The following PPP1R3B variants were observed in gnomAD, a reference collection of about 807,000 sequenced individuals.
PPP1R3B encodes PP1 subunit R4.
A neutral mutation model predicts 14.6 loss-of-function variants in PPP1R3B; 8 were observed. The ratio of observed to expected loss-of-function variants is 0.55; its 90% confidence interval spans 0.32 to 0.99. The LOEUF is 0.99. Among genes scored for constraint, PPP1R3B ranks in the 50% least tolerant of loss-of-function variants. The pLI, the probability that PPP1R3B is intolerant of heterozygous loss-of-function variation, is 0.04. For synonymous variants in PPP1R3B, 169 were observed against 142.0 expected, an observed-to-expected ratio of 1.19 and a Z score of -1.35; for missense variants, 452 against 360.1, an observed-to-expected ratio of 1.26 and a Z score of -2.07.
intron 1 of PPP1R3B, among the ~76,000 whole-genome samples, chr8:9,150,029 G>T (rs1033486630): frequency 6.6e-6 from 1 of 152,204 alleles, no homozygotes; most frequent in African/African-American, 2.4e-5. Flanking sequence ...CACCCCTGGT[G>T]CCGCTTCTCT....
rs1451603980 is a variant in PPP1R3B, at chr8:9,137,046, T to C, written c.*3748A>G. On this transcript the variant is annotated 3_prime_UTR_variant, in exon 2 of 2. Coordinates refer to ENST00000310455, the MANE Select transcript of PPP1R3B (RefSeq NM_024607.4). ...TCCAAATTTACATCTTCTAAGAATG[T>C]ATAATTTTGCCACCATTAAAATGAA... The C allele has an allele frequency of 6.6e-6, 1 of 152,220 alleles. No homozygotes were observed. The highest frequency in any genetic ancestry group is 1.5e-5 in the Non-Finnish European group (1 of 68,034). 9.4% of individuals were successfully genotyped at this position (152,220 alleles called of 1,614,324 possible).
chr8:9,141,246 C>G lies in PPP1R3B; in HGVS notation c.406G>C (p.Glu136Gln). Reference sequence around the variant, plus strand: ...GCCTTGTCCTTGAGCACACAGTTCTCAAGGCAGACGTGGTCGGCCTGAAGT... The same window carrying G: ...GCCTTGTCCTTGAGCACACAGTTCTGAAGGCAGACGTGGTCGGCCTGAAGT... ...NRLQADHVCLENCVLKDKAIA... is the reference protein window; with the variant it reads ...NRLQADHVCLQNCVLKDKAIA... Residue 136 changes from glutamate to glutamine, a missense_variant, in exon 2 of 2, where the codon GAG (glutamate) becomes CAG (glutamine). Glu to Gln is a conservative substitution (Grantham distance 29). Coordinates refer to ENST00000310455, the MANE Select transcript of PPP1R3B (RefSeq NM_024607.4). 6.2e-7 allele frequency: 1 copy of G among 1,614,182 alleles called. No homozygotes were observed. Among genetic ancestry groups the G allele is most frequent in the Non-Finnish European group, 8.5e-7 (1 of 1,180,034 alleles).
Position 9,145,183 on chromosome 8 carries a change from A to G in PPP1R3B, c.-17-3515T>C, listed in dbSNP as rs563374728. 2.0e-5 allele frequency: 3 copies of G among 152,306 alleles called. No individual in the cohort carries two copies. The South Asian group carries it at 6.2e-4, about 32-fold the overall frequency. The allele number at this position is 152,306 out of a possible 1,614,324, so 9.4% of individuals were successfully genotyped here. A position where few individuals can be genotyped will look rare whatever the true frequency, so the allele number is the denominator to read the frequency against. On this transcript the variant is annotated intron_variant, in intron 1 of 1. Transcript: ENST00000310455. ...ATAGAGAGAGAGAAGATAAAATTGT[A>G]CATAGAAACTAGACTTGTGGGGAAA...
At chr8:9,141,881 G>T (rs1490029367) in intron 1 of PPP1R3B, 2 of 133,704 alleles carry the variant, frequency 1.5e-5, no homozygotes, top group Non-Finnish European at 3.1e-5. Context: ...GCGGTGGGGG[G>T]TGGGGGGTGC....
At chr8:9,148,782 AACT>A (rs1801318392) in intron 1 of PPP1R3B, among the ~76,000 whole-genome samples, 1 of 152,230 alleles carries the variant, frequency 6.6e-6, no homozygotes, top group Non-Finnish European at 1.5e-5. Flanking sequence ...CAGGCAGCTG[AACT>A]ACTGACTTTC....
intron 1 of PPP1R3B, among the ~76,000 whole-genome samples, chr8:9,141,991 A>G (rs1801106743): frequency 6.6e-6 from 1 of 152,204 alleles, no homozygotes; most frequent in Non-Finnish European, 1.5e-5. Context: ...CCGTTGGCAA[A>G]TGTGCCACAG....
At chr8:9,143,632 G>A (rs1411659910) in intron 1 of PPP1R3B, among the ~76,000 whole-genome samples, 1 of 152,156 alleles carries the variant, frequency 6.6e-6, no homozygotes, top group East Asian at 1.9e-4. Context: ...AACCTGGGAG[G>A]CGGAGGTTGC....
Position 9,140,470 on chromosome 8 carries a change from G to C in PPP1R3B, c.*324C>G, listed in dbSNP as rs939228667. On this transcript the variant is annotated 3_prime_UTR_variant, in exon 2 of 2. Transcript: ENST00000310455. ...ACATCTGAGTGGAGAGCAGAGGAGA[G>C]ACTCCTCCAGCTTCATCAGCACTGG... 5.8e-6 allele frequency: 2 copies of C among 341,964 alleles called. No individual in the cohort carries two copies. Among genetic ancestry groups the C allele is most frequent in the Non-Finnish European group, 1.1e-5 (2 of 184,770 alleles). 21.2% of individuals were successfully genotyped at this position (341,964 alleles called of 1,614,324 possible).
chr8:9,144,871 G>C (rs771626220), intron 1 of PPP1R3B, among the ~76,000 whole-genome samples: 8 of 152,178 alleles, frequency 5.3e-5, no homozygotes, highest in Admixed American at 1.3e-4. Flanking sequence ...TTAGCCTTTC[G>C]AGTAGCTGGG....
At chr8:9,144,504 A>G (rs1185995551) in intron 1 of PPP1R3B, among the ~76,000 whole-genome samples, 2 of 152,132 alleles carry the variant, frequency 1.3e-5, no homozygotes, top group Non-Finnish European at 2.9e-5. Flanking sequence ...CAATGCAAAC[A>G]TTTTCATTAG....
Position 9,138,245 on chromosome 8 carries a change from T to C in PPP1R3B, c.*2549A>G, listed in dbSNP as rs330910. The stretch of plus-strand genomic sequence containing the variant: ...TTTATAACATTTAAAGTACTGTCTG[T>C]TACCCGATGTCTGGTATGTTTACAT... On this transcript the variant is annotated 3_prime_UTR_variant, in exon 2 of 2. Transcript: ENST00000310455. 2 of 152,002 alleles carry C rather than the reference T, an allele frequency of 1.3e-5. No homozygotes were observed. Among genetic ancestry groups the C allele is most frequent in the South Asian group, 4.1e-4 (2 of 4,830 alleles). 9.4% of individuals were successfully genotyped at this position (152,002 alleles called of 1,614,324 possible). A position where few individuals can be genotyped will look rare whatever the true frequency, so the allele number is the denominator to read the frequency against.
chr8:9,141,332 C>G lies in PPP1R3B; in HGVS notation c.320G>C (p.Ser107Thr). 6.2e-7 allele frequency: 1 copy of G among 1,614,210 alleles called. No homozygotes were observed. Residue 107 changes from serine (S) to threonine (T), a missense_variant, in exon 2 of 2, where the codon AGC (serine) becomes ACC (threonine). Coordinates refer to ENST00000310455, the MANE Select transcript of PPP1R3B (RefSeq NM_024607.4). ...GGAAAAATCCAGAACAAAGCTCTCG[C>G]TCTCTGCTGTCGTCAAGCTCACAAT... ...DNIVSLTTAESESFVLDFSQP... is the reference protein window; with the variant it reads ...DNIVSLTTAETESFVLDFSQP...
At chr8:9,150,328 A>G (rs1352578660) in intron 1 of PPP1R3B, among the ~76,000 whole-genome samples, 4 of 152,150 alleles carry the variant, frequency 2.6e-5, no homozygotes, top group African/African-American at 9.7e-5. Flanking sequence ...GTGCTCTGAC[A>G]GGCCCCAAAT....
intron 1 of PPP1R3B, among the ~76,000 whole-genome samples, chr8:9,150,357 C>G (rs1271668550): frequency 6.6e-6 from 1 of 152,206 alleles, no homozygotes; most frequent in Non-Finnish European, 1.5e-5. Context: ...AAGTCATTAC[C>G]GGCCCCCACT....
intron 1 of PPP1R3B, among the ~76,000 whole-genome samples, chr8:9,150,205 C>G (rs1434210724): frequency 6.6e-6 from 1 of 152,188 alleles, no homozygotes; most frequent in East Asian, 1.9e-4. Flanking sequence ...CTGCTGCACC[C>G]TGGGTCTCCC....
intron 1 of PPP1R3B, among the ~76,000 whole-genome samples, chr8:9,145,896 A>C (rs1248647009): frequency 6.6e-6 from 1 of 151,886 alleles, no homozygotes; most frequent in East Asian, 1.9e-4. Context: ...ATAAGACAGG[A>C]TCTTGCTGTG....
Position 9,141,313 on chromosome 8 carries a change from A to T in PPP1R3B, c.339T>A (p.Asp113Glu). The T allele has an allele frequency of 6.2e-7, 1 of 1,614,174 alleles. No individual in the cohort carries two copies. The highest frequency in any genetic ancestry group is 1.1e-5 in the South Asian group (1 of 91,080). ...AGTAATCTGCAGAGGGCTGGGAAAAATCCAGAACAAAGCTCTCGCTCTCTG... is the reference window on the plus strand; with the variant it reads ...AGTAATCTGCAGAGGGCTGGGAAAATTCCAGAACAAAGCTCTCGCTCTCTG... ...TTAESESFVL[D>E]FSQPSADYLD... The change falls in exon 2 of 2, where the codon GAT (aspartate) becomes GAA (glutamate). Residue 113 changes from aspartate to glutamate, a missense_variant. By Grantham distance (45) the Asp-to-Glu change is conservative. Transcript: ENST00000310455.
chr8:9,147,324 C>A (rs1224681022), intron 1 of PPP1R3B, among the ~76,000 whole-genome samples: 1 of 152,020 alleles, frequency 6.6e-6, no homozygotes, highest in Non-Finnish European at 1.5e-5. Context: ...AGTACGAAAA[C>A]CAAACAAGAG....
intron 1 of PPP1R3B, among the ~76,000 whole-genome samples, chr8:9,144,993 G>T (rs558492201): frequency 6.6e-6 from 1 of 152,016 alleles, no homozygotes; most frequent in African/African-American, 2.4e-5. Context: ...TGATCCACCC[G>T]CCTCGGCCTC....
Sources: allele counts gnomAD v4.1 joint callset (sites outside exome capture counted in the v4.1 genomes callset), GRCh38; gene constraint gnomAD v4.1.1; transcripts MANE v1.5; gene names NCBI Gene and HGNC (gene_info 2026-07-23, HGNC 2026-07-21).